Variants in IL1RAPL1 observed in about 807,000 individuals in gnomAD.
The protein encoded by IL1RAPL1 is interleukin-1 receptor accessory protein-like 1.
A neutral mutation model predicts 48.4 loss-of-function variants in IL1RAPL1; 3 were observed. The ratio of observed to expected loss-of-function variants is 0.06; its 90% CI spans 0.03 to 0.16. The LOEUF (loss-of-function observed/expected upper bound fraction) is 0.16. Among genes scored for constraint, IL1RAPL1 ranks in the 10% least tolerant of loss-of-function variants. The pLI is 1.00. For missense variants in IL1RAPL1, 349 were observed against 530.6 expected, an observed-to-expected ratio of 0.66 and a Z score of 3.36; for synonymous variants, 185 against 187.7, an observed-to-expected ratio of 0.99 and a Z score of 0.12.
rs774782411 is a variant in IL1RAPL1, at chrX:29,915,252, G to A, written c.779-2212G>A. 7.1e-5 allele frequency among the ~76,000 whole-genome samples: 8 copies of A among 111,912 alleles called. No individual in the cohort carries two copies. The South Asian group carries it at 1.5e-3, about 21-fold the overall frequency. ...GCAGAGGCTGCAGTGAGCCAAGATC[G>A]CATCCCTGCATCTTAGCCTGGGCGA... On this transcript the variant is annotated intron_variant, in intron 6 of 10. Coordinates refer to ENST00000378993, the MANE Select transcript of IL1RAPL1 (RefSeq NM_014271.4).
chrX:28,972,409 A>G (rs111516067), intron 2 of IL1RAPL1, among the ~76,000 whole-genome samples: 2 of 112,059 alleles, frequency 1.8e-5, no homozygotes, highest in Admixed American at 9.5e-5. Context: ...TTCCAAGTTC[A>G]AGGAGCTGGT....
chrX:29,381,658 T>TA (rs1396683772), intron 3 of IL1RAPL1, among the ~76,000 whole-genome samples: 3 of 102,743 alleles, frequency 2.9e-5, no homozygotes, highest in African/African-American at 7.1e-5. Context: ...CTACAGAAAG[T>TA]AAAAAAACTT....
At chrX:29,718,603 T>TAAA (rs11438049) in intron 6 of IL1RAPL1, among the ~76,000 whole-genome samples, 13 of 80,343 alleles carry the variant, frequency 1.6e-4, no homozygotes, top group African/African-American at 5.3e-4. Context: ...GCTAAAGTAT[T>TAAA]AAAAAAAAAA....
At chrX:29,509,637 C>T (rs186039450) in intron 5 of IL1RAPL1, among the ~76,000 whole-genome samples, 1 of 111,423 alleles carries the variant, frequency 9.0e-6, no homozygotes, top group African/African-American at 3.3e-5. Context: ...GAAATGAATG[C>T]TGTGTGTGCT....
chrX:29,940,458 A>G (rs1269715083), intron 8 of IL1RAPL1, among the ~76,000 whole-genome samples: 1 of 111,959 alleles, frequency 8.9e-6, no homozygotes, highest in Non-Finnish European at 1.9e-5. Flanking sequence ...TTACAGAATC[A>G]AGAATAACAT....
chrX:29,288,143 GTATT>G (rs1932312842), intron 3 of IL1RAPL1, among the ~76,000 whole-genome samples: 1 of 110,430 alleles, frequency 9.1e-6, no homozygotes, highest in Non-Finnish European at 1.9e-5. Flanking sequence ...TTATTTTTAT[GTATT>G]TATTTATTTA....
chrX:28,954,997 C>T lies in IL1RAPL1; in HGVS notation c.82+165572C>T, dbSNP rs753612807. 2.7e-5 allele frequency among the ~76,000 whole-genome samples: 3 copies of T among 111,841 alleles called. No individual in the cohort carries two copies. The South Asian group carries it at 1.1e-3, about 41-fold the overall frequency. On this transcript the variant is annotated intron_variant, in intron 2 of 10. Transcript: ENST00000378993. ...ACGTAAACAGTAATGGATATATTAC[C>T]ATTTAAAGCATATTAACCTATTCAT...
At chrX:29,311,191 ATTCC>A (rs1354701521) in intron 3 of IL1RAPL1, among the ~76,000 whole-genome samples, 2 of 112,121 alleles carry the variant, frequency 1.8e-5, no homozygotes, top group East Asian at 5.6e-4. Context: ...TTCTTACCAA[ATTCC>A]AACCATAAAA....
chrX:28,793,085 A>G (rs1936572185), intron 2 of IL1RAPL1, among the ~76,000 whole-genome samples: 1 of 106,869 alleles, frequency 9.4e-6, no homozygotes, highest in Non-Finnish European at 1.9e-5. Context: ...TTATCCTGGG[A>G]CAATTTCATA....
At chrX:29,004,307 C>T (rs1047324344) in intron 2 of IL1RAPL1, among the ~76,000 whole-genome samples, 19 of 112,139 alleles carry the variant, frequency 1.7e-4, no homozygotes, top group African/African-American at 5.8e-4. Flanking sequence ...TTATGGAAAA[C>T]GTACTAGTTT....
intron 2 of IL1RAPL1, among the ~76,000 whole-genome samples, chrX:28,964,842 T>C (rs1274688665): frequency 2.7e-5 from 3 of 111,494 alleles, no homozygotes. Flanking sequence ...CTCTAAGGTT[T>C]GGGATCAGAG....
chrX:28,615,473 C>G (rs1220364070), intron 1 of IL1RAPL1, among the ~76,000 whole-genome samples: 1 of 109,964 alleles, frequency 9.1e-6, no homozygotes, highest in East Asian at 2.9e-4. Context: ...TTGTAAAAGT[C>G]AGTTTAAAAA....
chrX:28,733,886 T>C (rs946527783), intron 1 of IL1RAPL1, among the ~76,000 whole-genome samples: 3 of 111,903 alleles, frequency 2.7e-5, no homozygotes, highest in Non-Finnish European at 5.6e-5. Context: ...CACTTAAAAT[T>C]TAATATGTCC....
At chrX:29,580,882 CT>C (rs1291559778) in intron 5 of IL1RAPL1, among the ~76,000 whole-genome samples, 18 of 112,138 alleles carry the variant, frequency 1.6e-4, no homozygotes, top group Non-Finnish European at 3.2e-4. Flanking sequence ...GCATTTTCTA[CT>C]CTATTTGTGA....
In IL1RAPL1 at chrX:28,961,902, A is replaced by G. The variant is rs114076918; in HGVS notation, c.82+172477A>G. 8.7e-3 allele frequency among the ~76,000 whole-genome samples: 970 copies of G among 111,974 alleles called. 12 individuals carry two copies. The highest frequency in any genetic ancestry group is 0.03 in the African/African-American group (927 of 30,795). ...TACCATTTAATTTTTTTGAGACAAT[A>G]GTATGAACTTTTCTATCTGTATAGA... On this transcript the variant is annotated intron_variant, in intron 2 of 10. Coordinates refer to ENST00000378993, the MANE Select transcript of IL1RAPL1 (RefSeq NM_014271.4).
intron 5 of IL1RAPL1, among the ~76,000 whole-genome samples, chrX:29,667,810 G>A (rs927577916): frequency 2.7e-5 from 3 of 111,915 alleles, no homozygotes; most frequent in African/African-American, 9.7e-5. Flanking sequence ...AAAATGTAAC[G>A]GATAATAGAA....
At chrX:29,490,725 A>C (rs1935147451) in intron 5 of IL1RAPL1, among the ~76,000 whole-genome samples, 1 of 107,255 alleles carries the variant, frequency 9.3e-6, no homozygotes, top group South Asian at 4.1e-4. Context: ...TAGCAAAGGG[A>C]GTTGTTTGGC....
intron 5 of IL1RAPL1, among the ~76,000 whole-genome samples, chrX:29,498,064 G>T (rs1283679630): frequency 8.9e-6 from 1 of 112,388 alleles, no homozygotes; most frequent in African/African-American, 3.2e-5. Context: ...CAATAAGGTT[G>T]TCCTTGCCAA....
At chrX:29,273,532 C>T (rs1932074513) in intron 2 of IL1RAPL1, among the ~76,000 whole-genome samples, 1 of 111,936 alleles carries the variant, frequency 8.9e-6, no homozygotes, top group Non-Finnish European at 1.9e-5. Context: ...TCTTGGTCCA[C>T]TGGCCACAAC....
Sources: allele counts gnomAD v4.1 joint callset (sites outside exome capture counted in the v4.1 genomes callset), GRCh38; gene constraint gnomAD v4.1.1; transcripts MANE v1.5; gene names NCBI Gene and HGNC (gene_info 2026-07-23, HGNC 2026-07-21).